TEAD1: variants seen among roughly 807,000 people sequenced by gnomAD.
TEAD1 encodes transcriptional enhancer factor TEF-1.
Under a neutral mutation model 54.9 loss-of-function variants are expected in TEAD1, and 9 were observed. The ratio of observed to expected loss-of-function variants is 0.16; its 90% CI spans 0.10 to 0.29. TEAD1 has a LOEUF of 0.29. Ranked by LOEUF, TEAD1 falls within the 10% of genes least tolerant of loss-of-function variation. The pLI, the probability that TEAD1 is intolerant of heterozygous loss-of-function variation, is 1.00. For missense variants in TEAD1, 387 were observed against 535.9 expected, an observed-to-expected ratio of 0.72 and a Z score of 2.74; for synonymous variants, 200 against 187.8, an observed-to-expected ratio of 1.07 and a Z score of -0.53.
chr11:12,691,127 A>G (rs1256588560), intron 2 of TEAD1, among the ~76,000 whole-genome samples: 2 of 152,158 alleles, frequency 1.3e-5, no homozygotes, highest in Non-Finnish European at 2.9e-5. Flanking sequence ...AAGGAAAGAT[A>G]GTTTTTTTTT....
chr11:12,742,298 A>G (rs1459101421), intron 2 of TEAD1, among the ~76,000 whole-genome samples: 1 of 152,230 alleles, frequency 6.6e-6, no homozygotes, highest in Non-Finnish European at 1.5e-5. Context: ...ATTTATCTGA[A>G]TAACAGAGAT....
chr11:12,711,688 G>C (rs1338737711), intron 2 of TEAD1, among the ~76,000 whole-genome samples: 24 of 152,172 alleles, frequency 1.6e-4, no homozygotes, highest in Admixed American at 1.6e-3. Flanking sequence ...TACCCTCTGG[G>C]GGTTTTTTAC....
chr11:12,862,015 G>T, intron 3 of TEAD1, among the ~76,000 whole-genome samples: 1 of 146,256 alleles, frequency 6.8e-6, no homozygotes, highest in Admixed American at 6.8e-5. Context: ...TTAAAAAAAA[G>T]GATAAATTTC....
At chr11:12,909,404 G>A (rs71481077) in intron 10 of TEAD1, among the ~76,000 whole-genome samples, 25,295 of 151,920 alleles carry the variant, frequency 0.17, 2,448 homozygotes, top group Non-Finnish European at 0.22. Context: ...AGCCATCATC[G>A]TTAGCAAACT....
At chr11:12,865,194 A>T in intron 5 of TEAD1, 1 of 450,198 alleles carries the variant, frequency 2.2e-6, no homozygotes, top group Admixed American at 3.6e-5. Context: ...TCAGCACAGA[A>T]ACATGATTTT....
At chr11:12,893,176 G>A (rs982437928) in intron 9 of TEAD1, among the ~76,000 whole-genome samples, 12 of 152,228 alleles carry the variant, frequency 7.9e-5, no homozygotes, top group Non-Finnish European at 1.5e-4. Flanking sequence ...TCCAGGTTTG[G>A]GGAGGAAGGC....
At chr11:12,682,252 A>C (rs957729403) in intron 2 of TEAD1, among the ~76,000 whole-genome samples, 74 of 152,320 alleles carry the variant, frequency 4.9e-4, no homozygotes, top group African/African-American at 1.8e-3. Context: ...GATGTTCTTC[A>C]TTGGTTTTAA....
intron 3 of TEAD1, among the ~76,000 whole-genome samples, chr11:12,802,243 A>C (rs570338184): frequency 6.6e-6 from 1 of 152,308 alleles, no homozygotes; most frequent in African/African-American, 2.4e-5. Flanking sequence ...TGGAGGAGAA[A>C]AATTCATGTG....
chr11:12,883,338 A>G (rs1347818365), intron 9 of TEAD1, among the ~76,000 whole-genome samples: 1 of 152,148 alleles, frequency 6.6e-6, no homozygotes, highest in Non-Finnish European at 1.5e-5. Flanking sequence ...GAGGTGTATT[A>G]CTGTCCTGGA....
intron 3 of TEAD1, among the ~76,000 whole-genome samples, chr11:12,850,363 G>A (rs1947249559): frequency 6.6e-6 from 1 of 152,214 alleles, no homozygotes; most frequent in South Asian, 2.1e-4. Context: ...TTGAACCCGG[G>A]AGGCGGAGGC....
chr11:12,688,481 C>A (rs925415178), intron 2 of TEAD1, among the ~76,000 whole-genome samples: 1 of 152,186 alleles, frequency 6.6e-6, no homozygotes, highest in Non-Finnish European at 1.5e-5. Context: ...TGACTTTCCC[C>A]GCTTCCCAAC....
At chr11:12,807,871 G>A (rs111552258) in intron 3 of TEAD1, among the ~76,000 whole-genome samples, 300 of 152,282 alleles carry the variant, frequency 2.0e-3, no homozygotes, top group African/African-American at 6.4e-3. Context: ...TGGTTGCTGT[G>A]TCCCCGCCTT....
chr11:12,682,974 T>C (rs1943255238), intron 2 of TEAD1, among the ~76,000 whole-genome samples: 1 of 152,124 alleles, frequency 6.6e-6, no homozygotes, highest in African/African-American at 2.4e-5. Context: ...TTGCATGCGC[T>C]CACCAAAGCC....
chr11:12,929,277 T>C (rs2581563), intron 11 of TEAD1, among the ~76,000 whole-genome samples: 94,657 of 150,974 alleles, frequency 0.63, 29,893 homozygotes, highest in South Asian at 0.73. Flanking sequence ...GCCACTTTTC[T>C]TTTTTCTCCT....
intron 2 of TEAD1, among the ~76,000 whole-genome samples, chr11:12,713,251 C>G (rs1943981658): frequency 6.6e-6 from 1 of 152,130 alleles, no homozygotes; most frequent in Non-Finnish European, 1.5e-5. Flanking sequence ...AACACTTGGA[C>G]TCAAGTGGTT....
chr11:12,892,163 ACTT>A, intron 9 of TEAD1, among the ~76,000 whole-genome samples: 1 of 152,172 alleles, frequency 6.6e-6, no homozygotes, highest in East Asian at 1.9e-4. Flanking sequence ...ACATTTTTAT[ACTT>A]CTTTCAATGG....
chr11:12,926,437 G>A (rs1166501835), intron 11 of TEAD1, among the ~76,000 whole-genome samples: 1 of 152,140 alleles, frequency 6.6e-6, no homozygotes, highest in Non-Finnish European at 1.5e-5. Context: ...GTTTTGAATG[G>A]AACTTAGAAA....
intron 2 of TEAD1, among the ~76,000 whole-genome samples, chr11:12,723,027 C>T (rs1325998605): frequency 6.6e-6 from 1 of 151,724 alleles, no homozygotes; most frequent in Non-Finnish European, 1.5e-5. Flanking sequence ...TGGGATATGG[C>T]CTTGTGCTTA....
intron 2 of TEAD1, among the ~76,000 whole-genome samples, chr11:12,702,401 C>T (rs994822193): frequency 5.3e-5 from 8 of 152,236 alleles, no homozygotes; most frequent in African/African-American, 1.7e-4. Context: ...AGCTTCATGA[C>T]TTCCATCTGT....
Sources: allele counts gnomAD v4.1 joint callset (sites outside exome capture counted in the v4.1 genomes callset), GRCh38; gene constraint gnomAD v4.1.1; transcripts MANE v1.5; gene names NCBI Gene and HGNC (gene_info 2026-07-23, HGNC 2026-07-21).